The following SIPA1L1 variants were observed in gnomAD, a reference collection of about 807,000 sequenced individuals.
The protein encoded by SIPA1L1 is signal induced proliferation associated 1 like 1, also known as signal-induced proliferation-associated 1-like protein 1.
A neutral mutation model predicts 162.7 loss-of-function variants in SIPA1L1; 26 were observed. The ratio of observed to expected loss-of-function variants is 0.16; its 90% CI spans 0.12 to 0.22. The LOEUF (loss-of-function observed/expected upper bound fraction) is 0.22, where lower values mean the gene tolerates loss of function less well. Among genes scored for constraint, SIPA1L1 ranks in the 10% least tolerant of loss-of-function variants. The pLI, the probability that SIPA1L1 is intolerant of heterozygous loss-of-function variation, is 1.00. For synonymous variants in SIPA1L1, 829 were observed against 837.4 expected (o/e 0.99, Z 0.17); for missense variants, 1,874 against 2,241.0 (o/e 0.84, Z 3.31).
chr14:71,330,616 A>G (rs956101011), intron 2 of SIPA1L1: 5 of 969,366 alleles, frequency 5.2e-6, no homozygotes, highest in Admixed American at 3.4e-5. Context: ...CTTCAGTGTG[A>G]TGGTTTGGGG....
In SIPA1L1 at chr14:71,671,424, G is replaced by A; in HGVS notation, c.2561G>A (p.Ser854Asn). 8 of 1,614,218 alleles carry A rather than the reference G, an allele frequency of 5.0e-6. No homozygotes were observed. The highest frequency in any genetic ancestry group is 6.8e-6 in the Non-Finnish European group (8 of 1,180,046). ...AAGCCATATCCAGGAGCCGAGCTCA[G>A]CAGCATGGGGGCCATTGTATGGGCA... ...KSKPYPGAEL[S>N]SMGAIVWAVR... The change falls in exon 11 of 24, where the codon AGC becomes AAC. Residue 854 changes from serine to asparagine, a missense_variant. By Grantham distance (46) the Ser-to-Asn change is conservative. Around this residue, in one of 5 missense-constraint regions of SIPA1L1, gnomAD observed 243 missense variants for 315.0 expected, o/e 0.77. Coordinates refer to ENST00000381232, the MANE Select transcript of SIPA1L1 (RefSeq NM_001386936.1).
Position 71,672,601 on chromosome 14 carries a change from A to G in SIPA1L1, c.3083A>G (p.His1028Arg), listed in dbSNP as rs775629914. The G allele has an allele frequency of 5.0e-6, 8 of 1,613,912 alleles. No homozygotes were observed. Among genetic ancestry groups the G allele is most frequent in the South Asian group, 2.2e-5 (2 of 91,082 alleles). Residue 1028 changes from histidine to arginine, a missense_variant, in exon 12 of 24, where the codon CAT becomes CGT. By Grantham distance (29) the His-to-Arg change is conservative. Coordinates refer to ENST00000381232, the MANE Select transcript of SIPA1L1 (RefSeq NM_001386936.1). ...GTGAAGGTTGTCATCATTCCCCCGC[A>G]TGATGACTGCACCCCGCGGAGGTAG... ...VTVKVVIIPPHDDCTPRRSCS... is the reference protein window; with the variant it reads ...VTVKVVIIPPRDDCTPRRSCS...
At chr14:71,529,787 C>T (rs887614751) in intron 4 of SIPA1L1, among the ~76,000 whole-genome samples, 3 of 152,220 alleles carry the variant, frequency 2.0e-5, no homozygotes, top group Non-Finnish European at 4.4e-5. Flanking sequence ...TGTTACCTGG[C>T]CAGGGGGATG....
chr14:71,458,986 C>T (rs981965402), intron 2 of SIPA1L1, among the ~76,000 whole-genome samples: 1 of 151,526 alleles, frequency 6.6e-6, no homozygotes, highest in Non-Finnish European at 1.5e-5. Flanking sequence ...GCAGGAGAAT[C>T]GCTTGAACCT....
chr14:71,598,222 CT>C (rs2036277702), intron 5 of SIPA1L1: 1 of 985,380 alleles, frequency 1.0e-6, no homozygotes, highest in African/African-American at 1.7e-5. Context: ...ATCACAGAGA[CT>C]GATTTTTACT....
chr14:71,514,039 G>C (rs1213826508), intron 3 of SIPA1L1, among the ~76,000 whole-genome samples: 3 of 152,168 alleles, frequency 2.0e-5, no homozygotes, highest in Non-Finnish European at 2.9e-5. Flanking sequence ...TGACTGAGGG[G>C]CATAAGGCAG....
At position 71,709,209 on chromosome 14, in the gene SIPA1L1, G is replaced by A. The variant is rs1566706573; in HGVS notation, c.3766-13G>A. ...AAAACTTTGCACTCAAATAAATTCTGCTTCTCTTGCAGTCTGATAGCCACT... is the reference window on the plus strand; with the variant it reads ...AAAACTTTGCACTCAAATAAATTCTACTTCTCTTGCAGTCTGATAGCCACT... On this transcript the variant is annotated splice_polypyrimidine_tract_variant and intron_variant, in intron 16 of 23. Transcript: ENST00000381232. 2 of 1,593,476 alleles carry A rather than the reference G, an allele frequency of 1.3e-6. No individual in the cohort carries two copies. The highest frequency in any genetic ancestry group is 1.7e-5 in the Admixed American group (1 of 57,998).
intron 7 of SIPA1L1, among the ~76,000 whole-genome samples, chr14:71,628,338 CCACATGTAAAG>C (rs1276912760): frequency 2.0e-5 from 3 of 152,152 alleles, no homozygotes; most frequent in Admixed American, 6.5e-5. Context: ...TAAGGCGTTC[CCACATGTAAAG>C]CACTTAGTAC....
intron 2 of SIPA1L1, among the ~76,000 whole-genome samples, chr14:71,403,294 A>G (rs960870814): frequency 3.3e-5 from 5 of 152,142 alleles, no homozygotes; most frequent in Non-Finnish European, 1.5e-5. Flanking sequence ...ATGAGTTTGA[A>G]AAATGTTACA....
chr14:71,465,079 C>T (rs1034482933), intron 2 of SIPA1L1, among the ~76,000 whole-genome samples: 4 of 152,170 alleles, frequency 2.6e-5, no homozygotes, highest in African/African-American at 9.7e-5. Flanking sequence ...GTTGCCGCTA[C>T]TGGAGATGGG....
chr14:71,525,561 A>G (rs1450121462), intron 3 of SIPA1L1, among the ~76,000 whole-genome samples: 2 of 152,204 alleles, frequency 1.3e-5, no homozygotes, highest in Non-Finnish European at 2.9e-5. Flanking sequence ...ACATAAGCCC[A>G]TACAATAGAA....
chr14:71,549,970 C>T (rs1030065316), intron 4 of SIPA1L1, among the ~76,000 whole-genome samples: 8 of 151,982 alleles, frequency 5.3e-5, no homozygotes, highest in African/African-American at 1.7e-4. Flanking sequence ...TTGGACAAGG[C>T]GAAGGGAGCT....
chr14:71,467,992 A>AAGC (rs889688450), intron 2 of SIPA1L1, among the ~76,000 whole-genome samples: 3 of 150,108 alleles, frequency 2.0e-5, no homozygotes, highest in African/African-American at 7.3e-5. Context: ...TAAAGGGGAA[A>AAGC]AGCAGTTAGA....
intron 2 of SIPA1L1, among the ~76,000 whole-genome samples, chr14:71,468,205 G>GCCTTTT (rs2047179817): frequency 6.6e-6 from 1 of 152,148 alleles, no homozygotes; most frequent in Non-Finnish European, 1.5e-5. Context: ...AGAAATAAAA[G>GCCTTTT]GCATTGTCTC....
chr14:71,654,002 C>T (rs1383984574), intron 8 of SIPA1L1, among the ~76,000 whole-genome samples: 2 of 152,146 alleles, frequency 1.3e-5, no homozygotes, highest in African/African-American at 2.4e-5. Flanking sequence ...TGTCTTCCTC[C>T]CTCTTAAGCC....
chr14:71,506,385 G>A (rs964715952), intron 2 of SIPA1L1, among the ~76,000 whole-genome samples: 8 of 152,076 alleles, frequency 5.3e-5, no homozygotes, highest in African/African-American at 1.9e-4. Flanking sequence ...TTTTTGCCTA[G>A]GATGGAGTGC....
intron 5 of SIPA1L1, among the ~76,000 whole-genome samples, chr14:71,611,748 AC>A (rs1321321232): frequency 6.6e-6 from 1 of 152,034 alleles, no homozygotes; most frequent in Non-Finnish European, 1.5e-5. Context: ...CTTTTTTATG[AC>A]TACATAGTAT....
At position 71,723,816 on chromosome 14, in the gene SIPA1L1, A is replaced by G; in HGVS notation, c.4378A>G (p.Ser1460Gly). Residue 1460 changes from serine (S) to glycine (G), a missense_variant, in exon 18 of 24, where the codon AGC (serine) becomes GGC (glycine). By Grantham distance (56) the Ser-to-Gly change is moderately conservative (BLOSUM62 0). Coordinates refer to ENST00000381232, the MANE Select transcript of SIPA1L1 (RefSeq NM_001386936.1). Reference sequence around the variant, plus strand: ...TTTTTACCCTCGCCAGGGCGCTACTAGCAAGTACCTGATTGGATGGAAAAA... The same window carrying G: ...TTTTTACCCTCGCCAGGGCGCTACTGGCAAGTACCTGATTGGATGGAAAAA... The part of the protein sequence containing the change: ...RSFYPRQGAT[S>G]KYLIGWKKPE... The G allele has an allele frequency of 6.2e-7, 1 of 1,614,160 alleles. No individual in the cohort carries two copies. Among genetic ancestry groups the G allele is most frequent in the Non-Finnish European group, 8.5e-7 (1 of 1,180,018 alleles).
At chr14:71,643,619 G>A (rs1037961266) in intron 7 of SIPA1L1, among the ~76,000 whole-genome samples, 2 of 152,156 alleles carry the variant, frequency 1.3e-5, no homozygotes, top group Admixed American at 1.3e-4. Context: ...GAAGGCACTT[G>A]GACTCACATA....
Sources: gnomAD v4.1 joint callset for allele counts (sites outside exome capture counted in the v4.1 genomes callset) on GRCh38, gnomAD v4.1.1 for gene constraint, gnomAD v4.1.1 regional missense constraint, MANE v1.5 for transcripts, NCBI Gene and HGNC (gene_info 2026-07-23, HGNC 2026-07-21) for gene names.